Variants in MGRN1 observed in about 807,000 individuals in gnomAD.
MGRN1 encodes E3 ubiquitin-protein ligase MGRN1.
Under a neutral mutation model 69.2 loss-of-function variants are expected in MGRN1, and 29 were observed. The observed-to-expected ratio is 0.42, with a 90% CI of 0.31 to 0.57. The LOEUF (loss-of-function observed/expected upper bound fraction) is 0.57, where lower values mean the gene tolerates loss of function less well. Among genes scored for constraint, MGRN1 ranks in the 20% least tolerant of loss-of-function variants. The pLI is 0.15. For missense variants in MGRN1, 998 were observed against 796.2 expected, an observed-to-expected ratio of 1.25 and a Z score of -3.05; for synonymous variants, 470 against 344.2, an observed-to-expected ratio of 1.37 and a Z score of -4.04.
At chr16:4,680,221 T>G in intron 12 of MGRN1, 124 bp downstream of exon 12, 5 of 954,370 alleles carry the variant, frequency 5.2e-6, no homozygotes, top group Non-Finnish European at 4.8e-6. Flanking sequence ...TCAGCTCCAC[T>G]TGCCCAGTCC....
intron 5 of MGRN1, 79 bp from the exon 6 acceptor site, chr16:4,664,630 C>A: frequency 6.9e-7 from 1 of 1,450,062 alleles, no homozygotes; most frequent in Non-Finnish European, 9.7e-7. Flanking sequence ...CTGCTTTGTC[C>A]AGCTCATTTG....
chr16:4,681,023 G>C (rs1049727588), intron 12 of MGRN1, among the ~76,000 whole-genome samples: 1 of 152,210 alleles, frequency 6.6e-6, no homozygotes, highest in African/African-American at 2.4e-5. Flanking sequence ...TGTTGATTCT[G>C]TCTGCTCCCA....
At chr16:4,671,272 T>C in intron 8 of MGRN1, 119 bp from the exon 9 acceptor site, 1 of 941,756 alleles carries the variant, frequency 1.1e-6, no homozygotes, top group South Asian at 1.4e-5. Context: ...GGGGTTGAGC[T>C]GGACTGACCC....
chr16:4,679,266 C>T (rs1018403668), intron 11 of MGRN1, among the ~76,000 whole-genome samples: 3 of 152,178 alleles, frequency 2.0e-5, no homozygotes, highest in Non-Finnish European at 2.9e-5. Context: ...TTGCCCCTCC[C>T]TGTTTGTGTT....
intron 9 of MGRN1, among the ~76,000 whole-genome samples, chr16:4,671,823 A>T (rs142524926): frequency 7.2e-4 from 109 of 152,296 alleles, no homozygotes; most frequent in African/African-American, 2.3e-3. Context: ...CTTATTCTGT[A>T]TGTCCATAGA....
At chr16:4,678,200 G>A (rs1326138929) in intron 11 of MGRN1, among the ~76,000 whole-genome samples, 1 of 152,212 alleles carries the variant, frequency 6.6e-6, no homozygotes, top group African/African-American at 2.4e-5. Context: ...GCTGTGCAAG[G>A]GGCACTGGTG....
At position 4,626,734 on chromosome 16, in the gene MGRN1, C is replaced by T. The variant is rs114734089; in HGVS notation, c.88+1686C>T. On this transcript the variant is annotated intron_variant, in intron 1 of 16. Coordinates refer to ENST00000262370, the MANE Select transcript of MGRN1 (RefSeq NM_015246.4). ...CATACATGTCATTTACAGCCCGCTTCGGGATCCCACTGTGGCTGAAATGTC... is the reference window on the plus strand; with the variant it reads ...CATACATGTCATTTACAGCCCGCTTTGGGATCCCACTGTGGCTGAAATGTC... Among the ~76,000 whole-genome samples the T allele has an allele frequency of 2.4e-3, 369 of 152,316 alleles. 2 individuals carry two copies. The highest frequency in any genetic ancestry group is 6.7e-3 in the African/African-American group (280 of 41,574).
At chr16:4,634,144 G>A (rs1361851571) in intron 1 of MGRN1, among the ~76,000 whole-genome samples, 1 of 152,194 alleles carries the variant, frequency 6.6e-6, no homozygotes, top group African/African-American at 2.4e-5. Flanking sequence ...TTCCTCAGTG[G>A]CCTTGGCCAG....
intron 1 of MGRN1, among the ~76,000 whole-genome samples, chr16:4,635,517 TGGAG>T (rs1898236633): frequency 1.3e-5 from 2 of 152,088 alleles, no homozygotes; most frequent in Admixed American, 6.6e-5. Context: ...TCGCCCAGGC[TGGAG>T]TGTAGTGGCA....
chr16:4,683,967 G>T, intron 16 of MGRN1, 35 bp downstream of exon 16: 2 of 1,518,266 alleles, frequency 1.3e-6, no homozygotes, highest in South Asian at 1.2e-5. Flanking sequence ...GAGGGGCTGG[G>T]TGCCTGTCTT....
At chr16:4,646,067 C>G (rs956181744) in intron 1 of MGRN1, among the ~76,000 whole-genome samples, 2 of 152,136 alleles carry the variant, frequency 1.3e-5, no homozygotes, top group Non-Finnish European at 2.9e-5. Context: ...GTGAGCACTT[C>G]CTACCTTACG....
chr16:4,686,239 C>G lies in MGRN1; in HGVS notation c.1618+2307C>G, dbSNP rs551698157. The G allele has an allele frequency of 2.6e-6, 4 of 1,541,332 alleles. No homozygotes were observed. The African/African-American group carries it at 5.5e-5, about 21-fold the overall frequency. ...GCTTGCTAACCGAGCTTCCGTCTGT[C>G]TCTCCCCCTCTCCGCGCAGCCCTGG... is the stretch of plus-strand genomic sequence containing the variant. On this transcript the variant is annotated intron_variant, in intron 16 of 16. Coordinates refer to ENST00000262370, the MANE Select transcript of MGRN1 (RefSeq NM_015246.4).
Position 4,662,900 on chromosome 16 carries a change from C to T in MGRN1, c.562-1809C>T, listed in dbSNP as rs1191132517. Among the ~76,000 whole-genome samples, 266 of 152,262 alleles carry T rather than the reference C, an allele frequency of 1.7e-3. 5 individuals carry two copies. The highest frequency in any genetic ancestry group is 1.2e-4 in the Non-Finnish European group (8 of 68,010). On this transcript the variant is annotated intron_variant, in intron 5 of 16. Transcript: ENST00000262370. The stretch of plus-strand genomic sequence containing the variant: ...GCCAGGAGTAGTCCCACCTGGACAT[C>T]CGTGGGGGTGGTTGCTGCAGACATG...
chr16:4,667,679 C>T (rs564600822), intron 7 of MGRN1, among the ~76,000 whole-genome samples: 17 of 152,270 alleles, frequency 1.1e-4, no homozygotes, highest in Non-Finnish European at 1.9e-4. Flanking sequence ...AGTGTTGTTG[C>T]GAGGTCTCCG....
intron 2 of MGRN1, 52 bp from the exon 3 acceptor site, chr16:4,651,911 T>C (rs1350566636): frequency 1.3e-6 from 2 of 1,541,540 alleles, no homozygotes; most frequent in Non-Finnish European, 1.8e-6. Flanking sequence ...CCGTTTTCTG[T>C]TGTTGGCTGC....
At chr16:4,687,469 T>TG (rs2079354011) in intron 16 of MGRN1, 1 of 956,672 alleles carries the variant, frequency 1.0e-6, no homozygotes, top group Non-Finnish European at 1.2e-6. Flanking sequence ...TTGCCGGAGC[T>TG]GGGGAGGTCA....
At chr16:4,680,155 C>G (rs757883146) in intron 12 of MGRN1, 58 bp downstream of exon 12, 5 of 1,534,058 alleles carry the variant, frequency 3.3e-6, no homozygotes, top group Admixed American at 1.7e-5. Flanking sequence ...TTTAAACCCA[C>G]GACAAGTAGG....
In MGRN1 at chr16:4,688,866, CCCCAGCCCCGAT is replaced by C. The variant is rs1567250968; in HGVS notation, c.1696_1707del (p.Pro566_Ser569del). 4.5e-6 allele frequency: 7 copies of C among 1,554,392 alleles called. No homozygotes were observed. Among genetic ancestry groups the C allele is most frequent in the African/African-American group, 4.1e-5 (3 of 73,340 alleles). On this transcript the variant is annotated inframe_deletion, in exon 17 of 17. Transcript: ENST00000262370. ...GCCCCACCTGGCCTCCACTTGGTGG[CCCCAGCCCCGAT>C]CCCAGCGCCGCCGAGCTGACCCCAC...
intron 3 of MGRN1, 45 bp from the exon 4 acceptor site, chr16:4,652,633 A>T (rs992140536): frequency 6.4e-7 from 1 of 1,571,180 alleles, no homozygotes; most frequent in African/African-American, 1.4e-5. Context: ...GCCTCCGCAG[A>T]TGGGGCCGCT....
Sources: allele counts gnomAD v4.1 joint callset (sites outside exome capture counted in the v4.1 genomes callset), GRCh38; gene constraint gnomAD v4.1.1; transcripts MANE v1.5; gene names NCBI Gene and HGNC (gene_info 2026-07-23, HGNC 2026-07-21).